SH3GLB1: variants seen among roughly 807,000 people sequenced by gnomAD.
SH3GLB1 encodes SH3 domain containing GRB2 like, endophilin B1.
A neutral mutation model predicts 42.0 loss-of-function variants in SH3GLB1; 17 were observed. That is an observed-to-expected ratio of 0.40 (90% CI 0.28 to 0.61). The LOEUF (loss-of-function observed/expected upper bound fraction) is 0.61. Ranked by LOEUF, SH3GLB1 falls within the 20% of genes least tolerant of loss-of-function variation. The pLI is 0.36. For synonymous variants in SH3GLB1, 132 were observed against 146.6 expected, an observed-to-expected ratio of 0.90 and a Z score of 0.72; for missense variants, 355 against 426.3, an observed-to-expected ratio of 0.83 and a Z score of 1.47.
intron 2 of SH3GLB1, among the ~76,000 whole-genome samples, chr1:86,718,925 C>T (rs1407653280): frequency 6.6e-6 from 1 of 152,120 alleles, no homozygotes; most frequent in African/African-American, 2.4e-5. Context: ...ATACTTTAAA[C>T]ATAAACTAAA....
chr1:86,731,875 T>C (rs1390150701), intron 5 of SH3GLB1, among the ~76,000 whole-genome samples: 1 of 151,488 alleles, frequency 6.6e-6, no homozygotes, highest in Non-Finnish European at 1.5e-5. Flanking sequence ...AGGTCAGGAG[T>C]TCAAAACCAG....
At position 86,743,289 on chromosome 1, in the gene SH3GLB1, A is replaced by C; in HGVS notation, c.*54A>C. On this transcript the variant is annotated 3_prime_UTR_variant, in exon 9 of 9. Coordinates refer to ENST00000370558, the MANE Select transcript of SH3GLB1 (RefSeq NM_016009.5). ...CATGACTTTGTATTTATATACAATT[A>C]ACTCTAAATAAAGCAGGTTAAGTAT... 1 of 1,201,126 alleles carries C rather than the reference A, an allele frequency of 8.3e-7. No homozygotes were observed. Among genetic ancestry groups the C allele is most frequent in the Non-Finnish European group, 1.2e-6 (1 of 855,440 alleles). The allele number at this position is 1,201,126 out of a possible 1,614,324, so 74.4% of individuals were successfully genotyped here.
At position 86,715,715 on chromosome 1, in the gene SH3GLB1, C is replaced by G. The variant is rs958371522; in HGVS notation, c.73-9C>G. ...GTATATTTAATTTTTGTTTTACAAT[C>G]AATAACAGTTCACAGAAGAAAAGCT... On this transcript the variant is annotated splice_polypyrimidine_tract_variant and intron_variant, in intron 1 of 8. Transcript: ENST00000370558. 6.3e-7 allele frequency: 1 copy of G among 1,581,348 alleles called. No homozygotes were observed. Among genetic ancestry groups the G allele is most frequent in the Admixed American group, 2.1e-5 (1 of 47,932 alleles).
intron 2 of SH3GLB1, among the ~76,000 whole-genome samples, chr1:86,717,292 G>C (rs892421125): frequency 6.6e-6 from 1 of 152,086 alleles, no homozygotes; most frequent in African/African-American, 2.4e-5. Flanking sequence ...TTTTCTGAAT[G>C]GGAAATAAGC....
At chr1:86,722,047 C>T (rs954611355) in intron 3 of SH3GLB1, among the ~76,000 whole-genome samples, 1 of 142,782 alleles carries the variant, frequency 7.0e-6, no homozygotes, top group Admixed American at 7.1e-5. Context: ...GTGACAGGCC[C>T]TGCTGTGTTG....
At chr1:86,706,445 C>G (rs755123518) in intron 1 of SH3GLB1, among the ~76,000 whole-genome samples, 1 of 152,172 alleles carries the variant, frequency 6.6e-6, no homozygotes, top group African/African-American at 2.4e-5. Flanking sequence ...CTGCCTTAAC[C>G]CTTTTCTTCC....
intron 5 of SH3GLB1, among the ~76,000 whole-genome samples, chr1:86,724,892 A>AAAATATATATATATATATATATATAT (rs1291454820): frequency 1.3e-3 from 127 of 99,320 alleles, no homozygotes; most frequent in Non-Finnish European, 1.9e-3. Flanking sequence ...AAAAAAAAAA[A>AAAATATATATATATATATATATATAT]ATATATATAT....
chr1:86,716,972 T>A (rs560186275), intron 2 of SH3GLB1, among the ~76,000 whole-genome samples: 2 of 152,332 alleles, frequency 1.3e-5, no homozygotes, highest in African/African-American at 4.8e-5. Context: ...AGTTAAATAG[T>A]AGTGACTTTT....
rs1656332062 is a variant in SH3GLB1, at chr1:86,746,850, A to G, written c.*3615A>G. On this transcript the variant is annotated 3_prime_UTR_variant, in exon 9 of 9. Coordinates refer to ENST00000370558, the MANE Select transcript of SH3GLB1 (RefSeq NM_016009.5). ...ACCACTGCACTCCAACCTGGGTGAT[A>G]GAATAAGACTCTTGTCTCAAGGAAA... The G allele has an allele frequency of 6.6e-6, 1 of 152,248 alleles. No individual in the cohort carries two copies. The highest frequency in any genetic ancestry group is 6.5e-5 in the Admixed American group (1 of 15,288). 9.4% of individuals were successfully genotyped at this position (152,248 alleles called of 1,614,324 possible). A position where few individuals can be genotyped will look rare whatever the true frequency, so the allele number is the denominator to read the frequency against.
At chr1:86,706,414 G>T (rs766678860) in intron 1 of SH3GLB1, among the ~76,000 whole-genome samples, 6 of 152,330 alleles carry the variant, frequency 3.9e-5, no homozygotes, top group South Asian at 2.1e-4. Context: ...TCTAAAATCT[G>T]CATGGTGAGT....
intron 1 of SH3GLB1, among the ~76,000 whole-genome samples, chr1:86,708,577 G>A (rs113497168): frequency 8.5e-4 from 130 of 152,124 alleles, no homozygotes; most frequent in African/African-American, 2.9e-3. Context: ...TATAAGCCTT[G>A]GTACTTTAAA....
At chr1:86,726,054 T>G (rs1442537251) in intron 5 of SH3GLB1, among the ~76,000 whole-genome samples, 2 of 152,094 alleles carry the variant, frequency 1.3e-5, no homozygotes, top group Admixed American at 6.5e-5. Context: ...AGTTTCTAGT[T>G]GCTAATAATT....
At chr1:86,741,267 G>A (rs1022494585) in intron 7 of SH3GLB1, among the ~76,000 whole-genome samples, 4 of 152,160 alleles carry the variant, frequency 2.6e-5, no homozygotes, top group South Asian at 2.1e-4. Flanking sequence ...TATAGTGCTC[G>A]TGAAGAGAAA....
intron 3 of SH3GLB1, among the ~76,000 whole-genome samples, chr1:86,720,210 T>G (rs1323028282): frequency 3.3e-5 from 5 of 152,208 alleles, no homozygotes; most frequent in Admixed American, 3.3e-4. Flanking sequence ...CCAGTGATCT[T>G]ACAATACCTA....
chr1:86,734,100 T>C (rs993302242), intron 5 of SH3GLB1: 1 of 152,304 alleles, frequency 6.6e-6, no homozygotes, highest in African/African-American at 2.4e-5. Flanking sequence ...GCAACAAGTG[T>C]TTGGCAACTA....
At chr1:86,731,525 A>G (rs1655508568) in intron 5 of SH3GLB1, among the ~76,000 whole-genome samples, 1 of 152,174 alleles carries the variant, frequency 6.6e-6, no homozygotes, top group Non-Finnish European at 1.5e-5. Flanking sequence ...TAGCATGAAA[A>G]GGGGCAGAGC....
chr1:86,735,990 G>A (rs1167890422), intron 7 of SH3GLB1, among the ~76,000 whole-genome samples: 8 of 152,168 alleles, frequency 5.3e-5, no homozygotes, highest in Non-Finnish European at 1.0e-4. Context: ...AGTTATCTTG[G>A]TAGGAATAAT....
intron 5 of SH3GLB1, among the ~76,000 whole-genome samples, chr1:86,728,734 T>G (rs1482347035): frequency 2.0e-5 from 3 of 152,168 alleles, no homozygotes; most frequent in Non-Finnish European, 2.9e-5. Flanking sequence ...AAATATATAG[T>G]GCCTTTTTGC....
chr1:86,715,941 GC>G, intron 2 of SH3GLB1, 76 bp downstream of exon 2: 1 of 1,454,648 alleles, frequency 6.9e-7, no homozygotes, highest in Non-Finnish European at 9.3e-7. Flanking sequence ...AGTTTTAATG[GC>G]CATCTGAAAA....
Sources: allele counts gnomAD v4.1 joint callset (sites outside exome capture counted in the v4.1 genomes callset), GRCh38; gene constraint gnomAD v4.1.1; transcripts MANE v1.5; gene names NCBI Gene and HGNC (gene_info 2026-07-23, HGNC 2026-07-21).